The following GPR158 variants were observed in gnomAD, a reference collection of about 807,000 sequenced individuals.
GPR158 encodes G protein-coupled receptor 158.
A neutral mutation model predicts 78.2 loss-of-function variants in GPR158; 30 were observed. That is an observed-to-expected ratio of 0.38 (90% CI 0.29 to 0.52). The LOEUF (loss-of-function observed/expected upper bound fraction) is 0.52. GPR158 is among the 20% of genes least tolerant of loss of function. The pLI is 0.83. For missense variants in GPR158, 1,463 were observed against 1,523.5 expected (o/e 0.96, Z 0.66); for synonymous variants, 581 against 591.1 (o/e 0.98, Z 0.25).
chr10:25,329,784 T>C (rs139985874), intron 2 of GPR158, among the ~76,000 whole-genome samples: 1,822 of 152,014 alleles, frequency 0.012, 60 homozygotes, highest in African/African-American at 0.042. Context: ...ACTTGTTTTA[T>C]TACATGTTTT....
At chr10:25,413,166 A>C (rs1020123285) in intron 4 of GPR158, among the ~76,000 whole-genome samples, 34 of 151,850 alleles carry the variant, frequency 2.2e-4, no homozygotes, top group Admixed American at 4.6e-4. Flanking sequence ...ACAAAAAAAA[A>C]CACAAATTTT....
At chr10:25,377,919 A>T (rs577171374) in intron 2 of GPR158, among the ~76,000 whole-genome samples, 2 of 152,194 alleles carry the variant, frequency 1.3e-5, no homozygotes, top group Non-Finnish European at 2.9e-5. Flanking sequence ...ATCACATAGT[A>T]ACTCTGTGTT....
chr10:25,309,683 A>G (rs1854736011), intron 2 of GPR158, among the ~76,000 whole-genome samples: 1 of 152,060 alleles, frequency 6.6e-6, no homozygotes, highest in Non-Finnish European at 1.5e-5. Context: ...CTGGTTGGAG[A>G]TAATTGAATC....
intron 5 of GPR158, among the ~76,000 whole-genome samples, chr10:25,513,701 G>A (rs1836120112): frequency 6.6e-6 from 1 of 151,846 alleles, no homozygotes; most frequent in Admixed American, 6.6e-5. Flanking sequence ...TATCCCAGAG[G>A]ATTTGATATG....
At chr10:25,515,127 A>AG (rs1443261372) in intron 5 of GPR158, among the ~76,000 whole-genome samples, 1 of 151,936 alleles carries the variant, frequency 6.6e-6, no homozygotes, top group Non-Finnish European at 1.5e-5. Context: ...TTTCTTCCTT[A>AG]GGAACACCAA....
intron 4 of GPR158, among the ~76,000 whole-genome samples, chr10:25,461,227 CAT>C (rs758419954): frequency 5.1e-4 from 77 of 152,290 alleles, no homozygotes; most frequent in Non-Finnish European, 9.9e-4. Context: ...ATAAGAAAGA[CAT>C]AGTGGAGGCT....
chr10:25,575,849 A>G (rs773236585), intron 7 of GPR158, among the ~76,000 whole-genome samples: 1 of 152,060 alleles, frequency 6.6e-6, no homozygotes, highest in African/African-American at 2.4e-5. Context: ...TCCTGCCTTC[A>G]TATCTATAAA....
intron 2 of GPR158, among the ~76,000 whole-genome samples, chr10:25,226,690 A>G (rs958560281): frequency 2.6e-5 from 4 of 152,174 alleles, no homozygotes; most frequent in Admixed American, 1.3e-4. Flanking sequence ...GTTATTTAAT[A>G]TAAAGTCACA....
At chr10:25,362,844 GTTAA>G (rs1437704568) in intron 2 of GPR158, among the ~76,000 whole-genome samples, 1 of 151,744 alleles carries the variant, frequency 6.6e-6, no homozygotes, top group Admixed American at 6.6e-5. Flanking sequence ...CCTCATCCTT[GTTAA>G]TTGACTTTCC....
chr10:25,496,399 G>A (rs914291601), intron 5 of GPR158, among the ~76,000 whole-genome samples: 1 of 152,170 alleles, frequency 6.6e-6, no homozygotes, highest in Non-Finnish European at 1.5e-5. Flanking sequence ...CTTTACGCCA[G>A]GCATTTAACT....
intron 5 of GPR158, among the ~76,000 whole-genome samples, chr10:25,505,054 G>T (rs967836682): frequency 1.3e-5 from 2 of 152,204 alleles, no homozygotes; most frequent in Non-Finnish European, 2.9e-5. Flanking sequence ...AATAGTGCCT[G>T]CCTCATAGAA....
intron 2 of GPR158, among the ~76,000 whole-genome samples, chr10:25,292,083 C>T (rs1854446587): frequency 1.3e-5 from 2 of 151,822 alleles, no homozygotes; most frequent in African/African-American, 2.4e-5. Context: ...CACCCACACA[C>T]ATATACATAC....
intron 4 of GPR158, among the ~76,000 whole-genome samples, chr10:25,433,885 C>T (rs955865049): frequency 2.0e-5 from 3 of 151,480 alleles, no homozygotes; most frequent in Admixed American, 2.0e-4. Context: ...ATTGGTCAGG[C>T]GCGGTGGCTC....
chr10:25,481,682 C>G (rs1176171417), intron 5 of GPR158, among the ~76,000 whole-genome samples: 1 of 152,110 alleles, frequency 6.6e-6, no homozygotes, highest in East Asian at 1.9e-4. Context: ...CTATGTTTAA[C>G]TTTTTGAGAA....
intron 1 of GPR158, among the ~76,000 whole-genome samples, chr10:25,212,311 CTT>C (rs1489544264): frequency 6.6e-6 from 1 of 152,110 alleles, no homozygotes; most frequent in African/African-American, 2.4e-5. Flanking sequence ...GAGCAGGCGT[CTT>C]ACATGGGAGG....
chr10:25,590,574 T>G (rs956676231), intron 8 of GPR158, among the ~76,000 whole-genome samples: 2 of 152,168 alleles, frequency 1.3e-5, no homozygotes, highest in African/African-American at 4.8e-5. Flanking sequence ...GCTACTTTTT[T>G]GCTTATTTGC....
intron 2 of GPR158, among the ~76,000 whole-genome samples, chr10:25,284,856 GT>G (rs1388849790): frequency 5.3e-5 from 8 of 151,816 alleles, no homozygotes; most frequent in African/African-American, 1.9e-4. Context: ...ATAATATACT[GT>G]TTCAATATAG....
chr10:25,304,575 T>A (rs61229464), intron 2 of GPR158, among the ~76,000 whole-genome samples: 30,739 of 151,850 alleles, frequency 0.2, 5,253 homozygotes, highest in African/African-American at 0.47. Context: ...ATATATAATA[T>A]ATATATGTAA....
At chr10:25,416,845 T>C (rs558976858) in intron 4 of GPR158, among the ~76,000 whole-genome samples, 9 of 152,078 alleles carry the variant, frequency 5.9e-5, no homozygotes, top group Non-Finnish European at 1.3e-4. Flanking sequence ...TAAAAACACT[T>C]CTAGAAGATT....
Sources: gnomAD v4.1 joint callset for allele counts (sites outside exome capture counted in the v4.1 genomes callset) on GRCh38, gnomAD v4.1.1 for gene constraint, MANE v1.5 for transcripts, NCBI Gene and HGNC (gene_info 2026-07-23, HGNC 2026-07-21) for gene names.